The following SSH2 variants were observed in gnomAD, a reference collection of about 807,000 sequenced individuals.
The protein encoded by SSH2 is protein phosphatase Slingshot homolog 2.
In SSH2, 37 loss-of-function variants were observed where a neutral mutation model predicts 135.2. The ratio of observed to expected loss-of-function variants is 0.27; its 90% CI spans 0.21 to 0.36. The LOEUF is 0.36. SSH2 is among the 10% of genes least tolerant of loss of function. The pLI is 1.00. For missense variants in SSH2, 1,408 were observed against 1,765.3 expected (o/e 0.80, Z 3.63); for synonymous variants, 628 against 646.2 (o/e 0.97, Z 0.43).
At chr17:29,821,648 A>AT (rs778592320) in intron 2 of SSH2, among the ~76,000 whole-genome samples, 11,410 of 137,428 alleles carry the variant, frequency 0.083, 880 homozygotes, top group African/African-American at 0.21. Context: ...AACCAAGTCT[A>AT]TTTTTTTTTT....
At chr17:29,869,769 T>A (rs567595696) in intron 1 of SSH2, among the ~76,000 whole-genome samples, 10 of 152,326 alleles carry the variant, frequency 6.6e-5, no homozygotes, top group Non-Finnish European at 1.2e-4. Context: ...CTTTTTCTCA[T>A]AAACCATATG....
intron 2 of SSH2, among the ~76,000 whole-genome samples, chr17:29,844,748 A>G (rs1385758638): frequency 6.6e-6 from 1 of 152,144 alleles, no homozygotes; most frequent in Non-Finnish European, 1.5e-5. Flanking sequence ...AGCTGCTTCT[A>G]TCTATTATCT....
At chr17:29,698,070 A>G (rs1007972854) in intron 4 of SSH2, among the ~76,000 whole-genome samples, 2 of 152,252 alleles carry the variant, frequency 1.3e-5, no homozygotes, top group Non-Finnish European at 2.9e-5. Flanking sequence ...AAACATGCTA[A>G]GTAAAAGGAG....
At chr17:29,803,574 A>G (rs568951364) in intron 2 of SSH2, among the ~76,000 whole-genome samples, 22 of 152,330 alleles carry the variant, frequency 1.4e-4, no homozygotes, top group African/African-American at 5.3e-4. Context: ...TTGGTGTACC[A>G]AAAAAGTCCA....
rs1471492843 is a variant in SSH2 at position 29,631,637 on chromosome 17, C to A, written c.3557G>T (p.Ser1186Ile). The A allele has an allele frequency of 6.2e-7, 1 of 1,614,194 alleles. No homozygotes were observed. Among genetic ancestry groups the A allele is most frequent in the East Asian group, 2.2e-5 (1 of 44,872 alleles). ...TTDEPSAEQV[S>I]WEESQESPLS... is the part of the protein sequence containing the mutation. ...AGGGCTCTCCTGACTTTCTTCCCAG[C>A]TAACCTGTTCTGCAGAGGGCTCATC... The change falls in exon 16 of 16, where the codon AGC (serine) becomes ATC (isoleucine). Residue 1186 changes from serine to isoleucine, a missense_variant. Coordinates refer to ENST00000540801, the MANE Select transcript of SSH2 (RefSeq NM_001282129.2).
At chr17:29,791,453 G>A (rs930709597) in intron 3 of SSH2, among the ~76,000 whole-genome samples, 7 of 152,138 alleles carry the variant, frequency 4.6e-5, no homozygotes, top group African/African-American at 1.4e-4. Flanking sequence ...TTAATGATAT[G>A]CTGTTTACTA....
intron 9 of SSH2, among the ~76,000 whole-genome samples, chr17:29,670,239 TC>T (rs1389658509): frequency 6.6e-6 from 1 of 152,150 alleles, no homozygotes; most frequent in Non-Finnish European, 1.5e-5. Context: ...CTCTCTCTCA[TC>T]TAAGTCTGGT....
intron 1 of SSH2, among the ~76,000 whole-genome samples, chr17:29,917,446 A>G (rs568471312): frequency 1.3e-5 from 2 of 152,278 alleles, no homozygotes; most frequent in South Asian, 2.1e-4. Context: ...CTTAGTTTAT[A>G]GCTGCCTTCC....
chr17:29,779,582 G>A (rs977424784), intron 3 of SSH2, among the ~76,000 whole-genome samples: 1 of 152,042 alleles, frequency 6.6e-6, no homozygotes, highest in Non-Finnish European at 1.5e-5. Flanking sequence ...GTTTACGCCT[G>A]TAATCCCAGC....
intron 1 of SSH2, among the ~76,000 whole-genome samples, chr17:29,864,656 A>AAG (rs2065823844): frequency 6.6e-6 from 1 of 151,058 alleles, no homozygotes; most frequent in Admixed American, 6.6e-5. Context: ...AAAAAAAAAA[A>AAG]AAAGAAACAA....
At chr17:29,671,503 T>C (rs895429659) in intron 9 of SSH2, among the ~76,000 whole-genome samples, 7 of 152,156 alleles carry the variant, frequency 4.6e-5, no homozygotes, top group African/African-American at 1.7e-4. Flanking sequence ...AATTAGCTTA[T>C]TAGTTAAGGC....
At chr17:29,786,883 C>T (rs1445897253) in intron 3 of SSH2, among the ~76,000 whole-genome samples, 1 of 152,132 alleles carries the variant, frequency 6.6e-6, no homozygotes, top group Non-Finnish European at 1.5e-5. Flanking sequence ...ATTACTGTAT[C>T]GCTGCACTCC....
intron 14 of SSH2, among the ~76,000 whole-genome samples, chr17:29,640,391 T>C (rs966400177): frequency 2.0e-5 from 3 of 152,180 alleles, no homozygotes; most frequent in African/African-American, 7.2e-5. Flanking sequence ...AAAGTATGTT[T>C]TTTAAACTGC....
At chr17:29,842,652 T>A (rs553834293) in intron 2 of SSH2, among the ~76,000 whole-genome samples, 1 of 152,258 alleles carries the variant, frequency 6.6e-6, no homozygotes, top group Admixed American at 6.5e-5. Context: ...TGGGATAAAA[T>A]CATTGAGCTA....
At chr17:29,818,885 C>T (rs753066189) in intron 2 of SSH2, among the ~76,000 whole-genome samples, 4 of 150,860 alleles carry the variant, frequency 2.7e-5, no homozygotes, top group Admixed American at 6.6e-5. Flanking sequence ...ACCAGGAGTT[C>T]GAGACCACAT....
At chr17:29,812,562 G>C (rs947998464) in intron 2 of SSH2, among the ~76,000 whole-genome samples, 1 of 152,150 alleles carries the variant, frequency 6.6e-6, no homozygotes, top group Non-Finnish European at 1.5e-5. Flanking sequence ...GGGATTACAG[G>C]TGTCAGCCAC....
chr17:29,916,137 C>T (rs957687057), intron 1 of SSH2, among the ~76,000 whole-genome samples: 3 of 152,074 alleles, frequency 2.0e-5, no homozygotes, highest in African/African-American at 7.2e-5. Flanking sequence ...AATAACTTCC[C>T]CACCAAATTT....
intron 2 of SSH2, among the ~76,000 whole-genome samples, chr17:29,821,801 GC>G (rs2042656980): frequency 6.6e-6 from 1 of 151,992 alleles, no homozygotes; most frequent in Non-Finnish European, 1.5e-5. Flanking sequence ...ACGCCATCAC[GC>G]CCAGCTAATC....
chr17:29,726,855 A>T (rs2040018397), intron 3 of SSH2, among the ~76,000 whole-genome samples: 1 of 152,162 alleles, frequency 6.6e-6, no homozygotes, highest in African/African-American at 2.4e-5. Flanking sequence ...CTTTGCCCAA[A>T]CTTTTCTCAA....
Sources: allele counts gnomAD v4.1 joint callset (sites outside exome capture counted in the v4.1 genomes callset), GRCh38; gene constraint gnomAD v4.1.1; transcripts MANE v1.5; gene names NCBI Gene and HGNC (gene_info 2026-07-23, HGNC 2026-07-21).